The following PCDH7 variants were observed in gnomAD, a reference collection of about 807,000 sequenced individuals.
PCDH7 encodes the protein protocadherin-7.
Under a neutral mutation model 58.9 loss-of-function variants are expected in PCDH7, and 17 were observed. That is an observed-to-expected ratio of 0.29 (90% confidence interval 0.20 to 0.43). The LOEUF is 0.43. PCDH7 is among the 20% of genes least tolerant of loss of function. PCDH7 has a pLI of 1.00. For synonymous variants in PCDH7, 664 were observed against 616.4 expected (o/e 1.08, Z -1.14); for missense variants, 1,274 against 1,441.0 (o/e 0.88, Z 1.88).
intron 1 of PCDH7, among the ~76,000 whole-genome samples, chr4:30,870,640 T>C (rs775126270): frequency 6.6e-6 from 1 of 152,132 alleles, no homozygotes; most frequent in Non-Finnish European, 1.5e-5. Context: ...AGATGTGTTA[T>C]TGCCTCCAGG....
chr4:31,032,797 C>A (rs569191450), intron 3 of PCDH7, among the ~76,000 whole-genome samples: 2 of 151,700 alleles, frequency 1.3e-5, no homozygotes, highest in Non-Finnish European at 2.9e-5. Context: ...AAATTCAAAT[C>A]TTGAAACAAT....
Position 30,721,526 on chromosome 4 carries a change from G to A in PCDH7, c.104G>A (p.Arg35Gln). ...CTGGCGGCCGCCAAGCAGCTCCTCCGGTACCGGCTGGCCGAGGAGGGCCCC... is the reference window on the plus strand; with the variant it reads ...CTGGCGGCCGCCAAGCAGCTCCTCCAGTACCGGCTGGCCGAGGAGGGCCCC... Residue 35 changes from arginine (R) to glutamine (Q), a missense_variant, in exon 1 of 2, where the codon CGG (arginine) becomes CAG (glutamine). Physicochemically the swap from Arg to Gln is conservative, Grantham distance 43. This residue lies in a region of PCDH7 where 212 missense variants were observed against 255.8 expected (regional missense o/e 0.83). Transcript: ENST00000361762. This position sits in a 1 kb window ranked among gnomAD's most constrained non-coding sequence, Gnocchi z 6.7. 3 of 1,600,748 alleles carry A rather than the reference G, an allele frequency of 1.9e-6. No homozygotes were observed. The highest frequency in any genetic ancestry group is 2.2e-5 in the East Asian group (1 of 44,814).
exon 4 of PCDH7, chr4:31,142,851 C>CT: frequency 3.7e-6 from 5 of 1,356,836 alleles, no homozygotes; most frequent in Non-Finnish European, 4.9e-6. Flanking sequence ...TACCTGTAGG[C>CT]TATAAAGGAG....
At chr4:30,875,563 A>C (rs371746613) in intron 1 of PCDH7, among the ~76,000 whole-genome samples, 26 of 152,094 alleles carry the variant, frequency 1.7e-4, no homozygotes, top group African/African-American at 5.8e-4. Context: ...AGAATCCTAA[A>C]ATTTTCAAAC....
chr4:31,002,535 A>T (rs529460491), intron 3 of PCDH7, among the ~76,000 whole-genome samples: 1 of 152,162 alleles, frequency 6.6e-6, no homozygotes, highest in Non-Finnish European at 1.5e-5. Context: ...TAACAAAATT[A>T]GTTTCTGGTG....
At chr4:31,021,385 A>T (rs79240951) in intron 3 of PCDH7, among the ~76,000 whole-genome samples, 4,128 of 152,258 alleles carry the variant, frequency 0.027, 97 homozygotes, top group Non-Finnish European at 0.036. Flanking sequence ...AATTGTCTCG[A>T]CCAACATGGG....
At position 30,722,502 on chromosome 4, in the gene PCDH7, T is replaced by C; in HGVS notation, c.1080T>C (p.Leu360=). 6.2e-7 allele frequency: 1 copy of C among 1,609,782 alleles called. No individual in the cohort carries two copies. The highest frequency in any genetic ancestry group is 8.5e-7 in the Non-Finnish European group (1 of 1,178,566). ...AGTCGGTGAGGCGGCTGCTGCGCCT[T>C]GACGAGACGTCCGGCTGGCTCAGCG... The change falls in exon 1 of 2, where the codon CTT becomes CTC. Residue 360 remains leucine, a synonymous_variant. Coordinates refer to ENST00000361762, the Ensembl canonical transcript of PCDH7. This position sits in a 1 kb window ranked among gnomAD's most constrained non-coding sequence, Gnocchi z 7.6.
chr4:31,049,866 G>T (rs1045853205), intron 3 of PCDH7, among the ~76,000 whole-genome samples: 2 of 152,000 alleles, frequency 1.3e-5, no homozygotes, highest in Non-Finnish European at 2.9e-5. Flanking sequence ...ATTGGCTTAG[G>T]CCCAAATCAA....
chr4:30,973,738 A>T (rs1016898703), intron 3 of PCDH7, among the ~76,000 whole-genome samples: 3 of 151,984 alleles, frequency 2.0e-5, no homozygotes, highest in Admixed American at 2.0e-4. Flanking sequence ...TTCAGATTCC[A>T]CTGTATCCAA....
intron 1 of PCDH7, among the ~76,000 whole-genome samples, chr4:30,833,868 A>G (rs1730129218): frequency 6.6e-6 from 1 of 152,220 alleles, no homozygotes; most frequent in Admixed American, 6.5e-5. Flanking sequence ...GATGACGGAA[A>G]GAACATTCTG....
Position 31,056,494 on chromosome 4 carries a change from AAAGAAAGAAAGAAAGAAAGAAAGG to A in PCDH7, c.*8-85978_*8-85955del, listed in dbSNP as rs1560608775. The stretch of plus-strand genomic sequence containing the variant: ...GAAAGAAAGAAAGAAAGAAAGAAAG[AAAGAAAGAAAGAAAGAAAGAAAGG>A]GGAAGGGAAGGGAAGGAAGGAGAGA... On this transcript the variant is annotated intron_variant, in intron 3 of 3. Coordinates refer to the PCDH7 transcript ENST00000509759. Among the ~76,000 whole-genome samples the A allele has an allele frequency of 5.0e-3, 687 of 138,376 alleles. 10 individuals carry two copies. The highest frequency in any genetic ancestry group is 0.011 in the African/African-American group (425 of 38,824). The allele number at this position is 138,376 out of a possible 152,430, so 90.8% of individuals were successfully genotyped here.
chr4:31,023,751 A>G (rs1170042005), intron 3 of PCDH7, among the ~76,000 whole-genome samples: 1 of 152,198 alleles, frequency 6.6e-6, no homozygotes, highest in East Asian at 1.9e-4. Flanking sequence ...GAATGATTGT[A>G]CATAAAAGCT....
intron 1 of PCDH7, among the ~76,000 whole-genome samples, chr4:30,756,821 GT>G (rs1206467985): frequency 3.3e-5 from 5 of 152,128 alleles, no homozygotes; most frequent in Non-Finnish European, 5.9e-5. Flanking sequence ...TCCTTTGTAC[GT>G]ATTTATTTCT....
intron 3 of PCDH7, among the ~76,000 whole-genome samples, chr4:30,993,299 T>C (rs116326272): frequency 0.016 from 2,384 of 152,276 alleles, 62 homozygotes; most frequent in African/African-American, 0.055. Context: ...CTTGACAATT[T>C]TTTGAAGTAA....
At chr4:30,759,870 T>C (rs1435621011) in intron 1 of PCDH7, among the ~76,000 whole-genome samples, 1 of 152,204 alleles carries the variant, frequency 6.6e-6, no homozygotes, top group Non-Finnish European at 1.5e-5. Flanking sequence ...TATTACTTTT[T>C]GATCATAACT....
intron 1 of PCDH7, among the ~76,000 whole-genome samples, chr4:30,871,945 T>C (rs1735658768): frequency 6.6e-6 from 1 of 152,088 alleles, no homozygotes; most frequent in Non-Finnish European, 1.5e-5. Flanking sequence ...TGCATTTTTG[T>C]CCTTACATGG....
At chr4:31,058,877 G>A (rs1385181468) in intron 3 of PCDH7, among the ~76,000 whole-genome samples, 5 of 151,932 alleles carry the variant, frequency 3.3e-5, no homozygotes, top group Non-Finnish European at 7.4e-5. Flanking sequence ...AACAAAAGCA[G>A]TGATACACAG....
chr4:30,996,052 ATATATT>A (rs75626977), intron 3 of PCDH7, among the ~76,000 whole-genome samples: 6,929 of 152,218 alleles, frequency 0.046, 380 homozygotes, highest in East Asian at 0.29. Flanking sequence ...ATGTTTATAC[ATATATT>A]TATATTCACA....
intron 3 of PCDH7, among the ~76,000 whole-genome samples, chr4:31,109,332 G>A (rs767311563): frequency 6.6e-6 from 1 of 152,140 alleles, no homozygotes; most frequent in South Asian, 2.1e-4. Flanking sequence ...AATTGACAAG[G>A]CTGCTTTTGA....
Sources: allele counts gnomAD v4.1 joint callset (sites outside exome capture counted in the v4.1 genomes callset), GRCh38; gene constraint gnomAD v4.1.1; regional missense constraint gnomAD v4.1.1; non-coding constraint Gnocchi (gnomAD v3.1); transcripts MANE v1.5; gene names NCBI Gene and HGNC (gene_info 2026-07-23, HGNC 2026-07-21).